The following ERC2 variants were observed in gnomAD, a reference collection of about 807,000 sequenced individuals.
ERC2 encodes the protein ELKS/RAB6-interacting/CAST family member 2.
In ERC2, 42 loss-of-function variants were observed where a neutral mutation model predicts 114.8. That is an observed-to-expected ratio of 0.37 (90% CI 0.29 to 0.47). ERC2 has a LOEUF of 0.47. Ranked by LOEUF, ERC2 falls within the 20% of genes least tolerant of loss-of-function variation. The pLI, the probability that ERC2 is intolerant of heterozygous loss-of-function variation, is 0.99. For missense variants in ERC2, 939 were observed against 1,150.7 expected, an observed-to-expected ratio of 0.82 and a Z score of 2.66; for synonymous variants, 454 against 425.5, an observed-to-expected ratio of 1.07 and a Z score of -0.82.
chr3:55,922,933 A>G (rs569969943), intron 13 of ERC2, among the ~76,000 whole-genome samples: 1 of 152,246 alleles, frequency 6.6e-6, no homozygotes, highest in Non-Finnish European at 1.5e-5. Context: ...TTGCCGGTGA[A>G]AAAGCAAAAT....
In ERC2 at chr3:56,032,791, C is replaced by G. The variant is rs1339973280; in HGVS notation, c.1642-13760G>C. On this transcript the variant is annotated intron_variant, in intron 7 of 17. Coordinates refer to ENST00000288221, the MANE Select transcript of ERC2 (RefSeq NM_015576.3). Reference sequence around the variant, plus strand: ...GTGAGGCTGTAGGATCACTTGAGCCCAGGAATTCAACTCCAACCTGAGAAA... The same window carrying G: ...GTGAGGCTGTAGGATCACTTGAGCCGAGGAATTCAACTCCAACCTGAGAAA... Among the ~76,000 whole-genome samples, 4 of 149,348 alleles carry G rather than the reference C, an allele frequency of 2.7e-5. No homozygotes were observed. In the East Asian group the frequency reaches 7.9e-4, roughly 29 times the overall value.
At chr3:56,235,223 A>T (rs570010432) in intron 3 of ERC2, among the ~76,000 whole-genome samples, 1 of 152,198 alleles carries the variant, frequency 6.6e-6, no homozygotes, top group Non-Finnish European at 1.5e-5. Context: ...TACCTACTCA[A>T]TTCCAAGCTG....
At chr3:56,398,346 A>C (rs1237122118) in intron 2 of ERC2, among the ~76,000 whole-genome samples, 3 of 152,226 alleles carry the variant, frequency 2.0e-5, no homozygotes, top group Non-Finnish European at 4.4e-5. Context: ...GGGTAAAGTA[A>C]CTTGCCAAAG....
At chr3:56,083,390 G>T (rs74890368) in intron 6 of ERC2, among the ~76,000 whole-genome samples, 389 of 152,274 alleles carry the variant, frequency 2.6e-3, no homozygotes, top group African/African-American at 9.1e-3. Context: ...CAGTTGCCTG[G>T]GGTGGAAGCT....
chr3:56,043,249 C>T (rs2075288976), intron 7 of ERC2, among the ~76,000 whole-genome samples: 2 of 152,100 alleles, frequency 1.3e-5, no homozygotes, highest in Admixed American at 6.5e-5. Context: ...AGTTTTTCAA[C>T]ATTTTGTACT....
intron 6 of ERC2, among the ~76,000 whole-genome samples, chr3:56,110,029 G>C (rs76167124): frequency 2.0e-5 from 3 of 152,238 alleles, no homozygotes; most frequent in African/African-American, 7.2e-5. Context: ...TCTAATATGA[G>C]ATTACACTAG....
intron 14 of ERC2, among the ~76,000 whole-genome samples, chr3:55,850,673 T>C (rs185218452): frequency 6.6e-6 from 1 of 152,254 alleles, no homozygotes; most frequent in African/African-American, 2.4e-5. Context: ...TTGGAAAATA[T>C]ATAACATATG....
chr3:55,533,189 G>A (rs576653755), intron 17 of ERC2, among the ~76,000 whole-genome samples: 1 of 152,344 alleles, frequency 6.6e-6, no homozygotes, highest in East Asian at 1.9e-4. Context: ...GTGAGATCTG[G>A]CAGGAGTGTC....
intron 10 of ERC2, among the ~76,000 whole-genome samples, chr3:55,996,869 T>C (rs1330824102): frequency 6.6e-6 from 1 of 152,218 alleles, no homozygotes; most frequent in Non-Finnish European, 1.5e-5. Context: ...AACTTCAGAT[T>C]AATACTATAT....
intron 4 of ERC2, among the ~76,000 whole-genome samples, chr3:56,166,100 T>C (rs1304438944): frequency 2.6e-5 from 4 of 152,038 alleles, no homozygotes; most frequent in South Asian, 2.1e-4. Context: ...TTGGGGGCCA[T>C]GGATGGATGT....
At chr3:56,249,018 C>T (rs1269955478) in intron 3 of ERC2, among the ~76,000 whole-genome samples, 1 of 152,180 alleles carries the variant, frequency 6.6e-6, no homozygotes, top group Non-Finnish European at 1.5e-5. Context: ...ACTGTTAATG[C>T]AAAGTATAGT....
intron 7 of ERC2, among the ~76,000 whole-genome samples, chr3:56,036,851 G>C (rs1338976610): frequency 6.6e-6 from 1 of 152,156 alleles, no homozygotes; most frequent in Non-Finnish European, 1.5e-5. Context: ...AGCCACTCCG[G>C]TTGAAGCCAG....
At chr3:56,167,396 T>C (rs1282848895) in intron 4 of ERC2, among the ~76,000 whole-genome samples, 1 of 152,090 alleles carries the variant, frequency 6.6e-6, no homozygotes, top group Non-Finnish European at 1.5e-5. Context: ...AATTATTGAC[T>C]GGCAACATTT....
intron 17 of ERC2, among the ~76,000 whole-genome samples, chr3:55,617,375 C>T (rs1315210512): frequency 6.6e-6 from 1 of 152,210 alleles, no homozygotes; most frequent in Non-Finnish European, 1.5e-5. Flanking sequence ...CTGCAATTTT[C>T]CACCAACAAT....
chr3:55,550,373 A>C (rs948593109), intron 17 of ERC2, among the ~76,000 whole-genome samples: 1 of 152,198 alleles, frequency 6.6e-6, no homozygotes, highest in Non-Finnish European at 1.5e-5. Flanking sequence ...ACTGAAATGT[A>C]AGCTGCTTGA....
At chr3:56,285,068 C>CAT (rs2054603248) in intron 3 of ERC2, among the ~76,000 whole-genome samples, 1 of 147,160 alleles carries the variant, frequency 6.8e-6, no homozygotes, top group Non-Finnish European at 1.5e-5. Flanking sequence ...CACACACACA[C>CAT]TCTTATGTTT....
intron 14 of ERC2, among the ~76,000 whole-genome samples, chr3:55,835,067 G>A (rs1381420795): frequency 2.0e-5 from 3 of 151,796 alleles, no homozygotes; most frequent in African/African-American, 7.3e-5. Flanking sequence ...TTGAATCTCT[G>A]AATAGACCAA....
rs868347101 is a variant in ERC2 at position 55,789,323 on chromosome 3, G to A, written c.2565-54405C>T. On this transcript the variant is annotated intron_variant, in intron 14 of 17. Coordinates refer to ENST00000288221, the MANE Select transcript of ERC2 (RefSeq NM_015576.3). The stretch of plus-strand genomic sequence containing the variant: ...TTCCAAGTCCATAGGGAAGCTGAGA[G>A]TCTTCTAAGTGGCCAGAGATGCTGA... Among the ~76,000 whole-genome samples the A allele has an allele frequency of 3.0e-4, 46 of 152,360 alleles. 2 individuals carry two copies. Among genetic ancestry groups the A allele is most frequent in the Middle Eastern group, 6.8e-3 (2 of 294 alleles).
At chr3:56,311,412 C>A (rs552787222) in intron 2 of ERC2, among the ~76,000 whole-genome samples, 2 of 150,822 alleles carry the variant, frequency 1.3e-5, no homozygotes, top group African/African-American at 4.9e-5. Context: ...CATTCTCCTG[C>A]CTCAGCCTCC....
Sources: gnomAD v4.1 joint callset for allele counts (sites outside exome capture counted in the v4.1 genomes callset) on GRCh38, gnomAD v4.1.1 for gene constraint, MANE v1.5 for transcripts, NCBI Gene and HGNC (gene_info 2026-07-23, HGNC 2026-07-21) for gene names.